The following POU2F1 variants were observed in gnomAD, a reference collection of about 807,000 sequenced individuals.
POU2F1 encodes the protein POU class 2 homeobox 1.
POU2F1 carries 16 observed loss-of-function variants against 84.9 expected under a neutral mutation model. That is an observed-to-expected ratio of 0.19 (90% CI 0.13 to 0.29). The LOEUF (loss-of-function observed/expected upper bound fraction) is 0.29. Ranked by LOEUF, POU2F1 falls within the 10% of genes least tolerant of loss-of-function variation. The pLI is 1.00. For synonymous variants in POU2F1, 368 were observed against 368.3 expected, an observed-to-expected ratio of 1.00 and a Z score of 0.01; for missense variants, 738 against 942.6, an observed-to-expected ratio of 0.78 and a Z score of 2.84.
Position 167,282,300 on chromosome 1 carries a change from C to T in POU2F1, c.62-50170C>T, listed in dbSNP as rs537242447. Among the ~76,000 whole-genome samples, 6 of 152,172 alleles carry T rather than the reference C, an allele frequency of 3.9e-5. No homozygotes were observed. In the South Asian group the frequency reaches 6.2e-4, roughly 16 times the overall value. On this transcript the variant is annotated intron_variant, in intron 1 of 15. Transcript: ENST00000367866. ...CTGGGATTACAGGCGCCCGCCACCA[C>T]GCCCAGCTAATTTTTTGTATTTTTT...
intron 1 of POU2F1, among the ~76,000 whole-genome samples, chr1:167,314,545 G>A (rs1049978148): frequency 1.3e-5 from 2 of 151,812 alleles, no homozygotes; most frequent in African/African-American, 4.8e-5. Flanking sequence ...GGAAGGCTGA[G>A]GTGGGAGGAT....
At chr1:167,288,186 C>T (rs770620258) in intron 1 of POU2F1, among the ~76,000 whole-genome samples, 1 of 152,126 alleles carries the variant, frequency 6.6e-6, no homozygotes, top group Non-Finnish European at 1.5e-5. Context: ...ATATTGGTAG[C>T]CTGTGGGTAA....
intron 2 of POU2F1, 129 bp from the exon 3 acceptor site, chr1:167,365,338 C>G: frequency 1.8e-6 from 1 of 563,706 alleles, no homozygotes. Flanking sequence ...TTTTGAATCC[C>G]TTCTCCTTGG....
At chr1:167,326,943 A>G (rs1324274619) in intron 1 of POU2F1, among the ~76,000 whole-genome samples, 4 of 152,206 alleles carry the variant, frequency 2.6e-5, no homozygotes, top group South Asian at 2.1e-4. Flanking sequence ...CAAATAATAA[A>G]TTTTAAATTT....
At chr1:167,247,644 G>C (rs1425315645) in intron 1 of POU2F1, among the ~76,000 whole-genome samples, 3 of 152,026 alleles carry the variant, frequency 2.0e-5, no homozygotes, top group Admixed American at 2.0e-4. Flanking sequence ...CAATGATCCA[G>C]TATACATACT....
intron 2 of POU2F1, chr1:167,357,366 CCACCCCCCCCCCA>C (rs1411236613): frequency 2.2e-4 from 2 of 9,284 alleles, no homozygotes; most frequent in Non-Finnish European, 6.4e-4. Context: ...GCCTCCCCCC[CCACCCCCCCCCCA>C]CCCCCCCCCG....
At chr1:167,240,403 G>T (rs1649813668) in intron 1 of POU2F1, among the ~76,000 whole-genome samples, 1 of 152,090 alleles carries the variant, frequency 6.6e-6, no homozygotes, top group African/African-American at 2.4e-5. Flanking sequence ...AGTAAGAGTT[G>T]AATACTGGCC....
At chr1:167,312,214 G>A (rs1244056514) in intron 1 of POU2F1, among the ~76,000 whole-genome samples, 2 of 150,524 alleles carry the variant, frequency 1.3e-5, no homozygotes, top group Non-Finnish European at 3.0e-5. Flanking sequence ...GGGATTACAG[G>A]CGTGAGCCAC....
chr1:167,384,717 GAAAAA>G (rs1237237374), intron 8 of POU2F1, among the ~76,000 whole-genome samples: 1 of 141,794 alleles, frequency 7.1e-6, no homozygotes, highest in Non-Finnish European at 1.5e-5. Context: ...CATGTATTAA[GAAAAA>G]AAAAAGAAAA....
intron 1 of POU2F1, among the ~76,000 whole-genome samples, chr1:167,292,482 T>TAAA (rs775819541): frequency 7.4e-6 from 1 of 135,858 alleles, no homozygotes; most frequent in Non-Finnish European, 1.6e-5. Context: ...TGAATCAGTT[T>TAAA]AAAAAAAAAA....
At chr1:167,375,965 C>A in intron 6 of POU2F1, 64 bp from the exon 7 acceptor site, 2 of 1,575,280 alleles carry the variant, frequency 1.3e-6, no homozygotes, top group South Asian at 2.2e-5. Context: ...CAGCTGGAAG[C>A]CTTATAATTA....
intron 13 of POU2F1, among the ~76,000 whole-genome samples, chr1:167,407,071 G>A (rs1029177384): frequency 9.9e-5 from 15 of 151,174 alleles, no homozygotes; most frequent in African/African-American, 3.6e-4. Context: ...TCGAGACAGG[G>A]TATTGCCCTA....
intron 8 of POU2F1, among the ~76,000 whole-genome samples, chr1:167,388,920 TATTA>T (rs1481366636): frequency 1.3e-5 from 2 of 152,192 alleles, no homozygotes; most frequent in Non-Finnish European, 2.9e-5. Context: ...TTTTAATTTT[TATTA>T]ATTTTTATTT....
chr1:167,274,301 G>A (rs1423780264), intron 1 of POU2F1, among the ~76,000 whole-genome samples: 2 of 152,116 alleles, frequency 1.3e-5, no homozygotes, highest in Admixed American at 1.3e-4. Flanking sequence ...TAAAGTTTAA[G>A]GGGTTTTATT....
intron 1 of POU2F1, among the ~76,000 whole-genome samples, chr1:167,271,729 A>G (rs112318671): frequency 0.046 from 7,032 of 152,282 alleles, 227 homozygotes; most frequent in African/African-American, 0.09. Context: ...AACCATCAAG[A>G]AAGAGAATAT....
At chr1:167,315,241 A>G (rs1655801217) in intron 1 of POU2F1, among the ~76,000 whole-genome samples, 3 of 152,188 alleles carry the variant, frequency 2.0e-5, no homozygotes, top group African/African-American at 7.2e-5. Context: ...TGGCAGTCTC[A>G]CTTCTGTGCA....
At chr1:167,410,704 C>T (rs138985065) in intron 13 of POU2F1, among the ~76,000 whole-genome samples, 1,622 of 151,846 alleles carry the variant, frequency 0.011, 29 homozygotes, top group African/African-American at 0.037. Flanking sequence ...TTAATAGAGA[C>T]GGGGTTTCAC....
At chr1:167,243,958 A>T (rs1043243997) in intron 1 of POU2F1, among the ~76,000 whole-genome samples, 2 of 152,156 alleles carry the variant, frequency 1.3e-5, no homozygotes, top group Non-Finnish European at 2.9e-5. Context: ...GCCCTCCACA[A>T]ATATGGATAA....
chr1:167,412,585 C>T (rs763448457), intron 14 of POU2F1, among the ~76,000 whole-genome samples: 1 of 152,100 alleles, frequency 6.6e-6, no homozygotes, highest in Non-Finnish European at 1.5e-5. Flanking sequence ...AGGAAGAAAG[C>T]CTAGAATTCT....
Sources: allele counts gnomAD v4.1 joint callset (sites outside exome capture counted in the v4.1 genomes callset), GRCh38; gene constraint gnomAD v4.1.1; transcripts MANE v1.5; gene names NCBI Gene and HGNC (gene_info 2026-07-23, HGNC 2026-07-21).